L3MBTL4: variants seen among roughly 807,000 people sequenced by gnomAD.
L3MBTL4 encodes lethal(3)malignant brain tumor-like protein 4.
A neutral mutation model predicts 84.5 loss-of-function variants in L3MBTL4; 70 were observed. The observed-to-expected ratio is 0.83, with a 90% CI of 0.68 to 1.01. L3MBTL4 has a LOEUF of 1.01. Among genes scored for constraint, L3MBTL4 ranks in the 50% least tolerant of loss-of-function variants. The pLI is 0.00. For missense variants in L3MBTL4, 715 were observed against 754.8 expected, an observed-to-expected ratio of 0.95 and a Z score of 0.62; for synonymous variants, 274 against 259.8, an observed-to-expected ratio of 1.05 and a Z score of -0.52.
chr18:6,408,367 C>T (rs796918478), intron 1 of L3MBTL4, among the ~76,000 whole-genome samples: 1 of 152,194 alleles, frequency 6.6e-6, no homozygotes, highest in South Asian at 2.1e-4. Flanking sequence ...ATATAGCTGA[C>T]CCCACCAGCA....
chr18:6,249,226 G>T (rs1462663338), intron 5 of L3MBTL4, among the ~76,000 whole-genome samples: 1 of 152,074 alleles, frequency 6.6e-6, no homozygotes, highest in African/African-American at 2.4e-5. Context: ...AAAATGCAAT[G>T]AAAAAGGTAG....
At chr18:6,000,464 C>T (rs144652248) in intron 16 of L3MBTL4, among the ~76,000 whole-genome samples, 2 of 151,982 alleles carry the variant, frequency 1.3e-5, no homozygotes, top group South Asian at 2.1e-4. Context: ...TTGCATAACC[C>T]GGAGTCAGGA....
chr18:6,389,540 T>G (rs2054959889), intron 1 of L3MBTL4, among the ~76,000 whole-genome samples: 1 of 152,128 alleles, frequency 6.6e-6, no homozygotes, highest in Non-Finnish European at 1.5e-5. Context: ...ACCAAATATC[T>G]GCTGTCTTTA....
At chr18:6,160,309 T>C (rs1005706203) in intron 13 of L3MBTL4, among the ~76,000 whole-genome samples, 8 of 152,068 alleles carry the variant, frequency 5.3e-5, no homozygotes, top group African/African-American at 1.9e-4. Context: ...GAGTCAGGAG[T>C]GTTCGGAGTC....
rs76974549 is a variant in L3MBTL4 at position 6,393,088 on chromosome 18, A to G, written c.-91+21713T>C. On this transcript the variant is annotated intron_variant, in intron 1 of 18. Coordinates refer to ENST00000317931, the MANE Select transcript of L3MBTL4 (RefSeq NM_001330559.2). ...AAAAGTGATTGAAATAAAAAAAAAAATTTTAACTATAAAGATAATAAACCC... is the reference window on the plus strand; with the variant it reads ...AAAAGTGATTGAAATAAAAAAAAAAGTTTTAACTATAAAGATAATAAACCC... 5.3e-5 allele frequency among the ~76,000 whole-genome samples: 8 copies of G among 151,976 alleles called. No homozygotes were observed. In the East Asian group the frequency reaches 1.6e-3, roughly 29 times the overall value.
chr18:6,263,280 A>G (rs1052062539), intron 5 of L3MBTL4, among the ~76,000 whole-genome samples: 1 of 152,014 alleles, frequency 6.6e-6, no homozygotes, highest in Admixed American at 6.5e-5. Flanking sequence ...AAAAAAAAAA[A>G]AAAAGAAAAA....
At chr18:6,040,115 T>C (rs894818790) in intron 16 of L3MBTL4, among the ~76,000 whole-genome samples, 1 of 152,232 alleles carries the variant, frequency 6.6e-6, no homozygotes, top group African/African-American at 2.4e-5. Context: ...TTAAAAATAC[T>C]TGGAATCTTA....
chr18:6,048,397 T>G (rs1181408144), intron 16 of L3MBTL4, among the ~76,000 whole-genome samples: 1 of 152,206 alleles, frequency 6.6e-6, no homozygotes, highest in Non-Finnish European at 1.5e-5. Flanking sequence ...GAAATGTATT[T>G]GGAACCAAAA....
At chr18:6,348,256 G>T (rs890352392) in intron 1 of L3MBTL4, among the ~76,000 whole-genome samples, 5 of 151,762 alleles carry the variant, frequency 3.3e-5, no homozygotes, top group Admixed American at 3.3e-4. Flanking sequence ...AAGTATAGAG[G>T]GATTTTTAAA....
intron 8 of L3MBTL4, 79 bp from the exon 9 acceptor site, chr18:6,239,951 A>T: frequency 6.7e-7 from 1 of 1,487,844 alleles, no homozygotes; most frequent in South Asian, 1.2e-5. Context: ...CAAAACTTCT[A>T]TGTTTAGCAA....
chr18:5,958,130 A>AAAGAAG (rs1195431903), intron 18 of L3MBTL4, among the ~76,000 whole-genome samples: 1 of 31,814 alleles, frequency 3.1e-5, no homozygotes, highest in Non-Finnish European at 7.8e-5. Flanking sequence ...AGAAGAAGAA[A>AAAGAAG]AAGAAGAAGA....
chr18:6,246,729 C>T (rs941765955), intron 5 of L3MBTL4, among the ~76,000 whole-genome samples: 1 of 151,868 alleles, frequency 6.6e-6, no homozygotes, highest in Non-Finnish European at 1.5e-5. Flanking sequence ...CATGGCGAAA[C>T]CCCATCTCTA....
intron 1 of L3MBTL4, among the ~76,000 whole-genome samples, chr18:6,410,075 A>T (rs2055902215): frequency 6.6e-6 from 1 of 152,044 alleles, no homozygotes; most frequent in Non-Finnish European, 1.5e-5. Context: ...ATGGCATCCT[A>T]ACCAGTCTAA....
intron 1 of L3MBTL4, among the ~76,000 whole-genome samples, chr18:6,322,505 A>AAGGAAG (rs1568490402): frequency 1.5e-3 from 137 of 93,924 alleles, no homozygotes; most frequent in South Asian, 5.1e-3. Flanking sequence ...AAGGAAGGAA[A>AAGGAAG]GAAGGAAAAA....
chr18:6,099,585 A>AGTATATATATATATATAT (rs2058743796), intron 14 of L3MBTL4, among the ~76,000 whole-genome samples: 1 of 64,700 alleles, frequency 1.5e-5, no homozygotes. Flanking sequence ...AGATAATGTA[A>AGTATATATATATATATAT]ATATATATAT....
intron 13 of L3MBTL4, among the ~76,000 whole-genome samples, chr18:6,153,227 C>T (rs190792680): frequency 1.3e-5 from 2 of 152,242 alleles, no homozygotes; most frequent in Admixed American, 1.3e-4. Flanking sequence ...TTTGTAGCTC[C>T]ATGAGACAGT....
intron 14 of L3MBTL4, among the ~76,000 whole-genome samples, chr18:6,126,367 T>C (rs2219172): frequency 0.3 from 46,208 of 152,066 alleles, 7,448 homozygotes; most frequent in East Asian, 0.52. Flanking sequence ...TGATTTTGGT[T>C]CTCAAGGTGA....
chr18:6,158,994 A>G (rs1412638412), intron 13 of L3MBTL4, among the ~76,000 whole-genome samples: 1 of 152,158 alleles, frequency 6.6e-6, no homozygotes. Flanking sequence ...TGAAAAGGTA[A>G]GGCTCCATCT....
At chr18:6,147,523 T>C (rs2144775396) in intron 13 of L3MBTL4, among the ~76,000 whole-genome samples, 1 of 152,328 alleles carries the variant, frequency 6.6e-6, no homozygotes, top group South Asian at 2.1e-4. Flanking sequence ...CCTAAAAATG[T>C]CAATTTTATA....
Sources: gnomAD v4.1 joint callset for allele counts (sites outside exome capture counted in the v4.1 genomes callset) on GRCh38, gnomAD v4.1.1 for gene constraint, MANE v1.5 for transcripts, NCBI Gene and HGNC (gene_info 2026-07-23, HGNC 2026-07-21) for gene names.